GRAMD2B: variants seen among roughly 807,000 people sequenced by gnomAD.
GRAMD2B encodes GRAM domain-containing protein 2B.
In GRAMD2B, 41 loss-of-function variants were observed where a neutral mutation model predicts 59.2. The observed-to-expected ratio is 0.69, with a 90% CI of 0.54 to 0.90. The LOEUF is 0.90. GRAMD2B is among the 40% of genes least tolerant of loss of function. GRAMD2B has a pLI of 0.00. For missense variants in GRAMD2B, 424 were observed against 500.5 expected (o/e 0.85, Z 1.46); for synonymous variants, 161 against 182.7 (o/e 0.88, Z 0.96).
intron 1 of GRAMD2B, among the ~76,000 whole-genome samples, chr5:126,451,356 A>C (rs1345191676): frequency 6.6e-6 from 1 of 152,236 alleles, no homozygotes; most frequent in Non-Finnish European, 1.5e-5. Context: ...TCTGCAGGCT[A>C]TACAGGAAGC....
intron 1 of GRAMD2B, among the ~76,000 whole-genome samples, chr5:126,410,976 A>G (rs1043144129): frequency 1.3e-5 from 2 of 151,678 alleles, no homozygotes; most frequent in Non-Finnish European, 2.9e-5. Context: ...TTGCTTGTTC[A>G]ATTGTTTAAG....
intron 1 of GRAMD2B, among the ~76,000 whole-genome samples, chr5:126,398,018 A>ATTTTT (rs70994864): frequency 8.3e-5 from 6 of 72,468 alleles, no homozygotes; most frequent in Admixed American, 3.3e-4. Context: ...TTGTTGGGAG[A>ATTTTT]TTTTTTTTTT....
chr5:126,477,876 C>T lies in GRAMD2B; in HGVS notation c.582+89C>T, dbSNP rs1478470469. 3.8e-6 allele frequency: 3 copies of T among 787,914 alleles called. No individual in the cohort carries two copies. The African/African-American group carries it at 5.2e-5, about 14-fold the overall frequency. The allele number at this position is 787,914 out of a possible 1,614,324, so 48.8% of individuals were successfully genotyped here. On this transcript the variant is annotated intron_variant, in intron 6 of 13. Coordinates refer to ENST00000285689, the MANE Select transcript of GRAMD2B (RefSeq NM_023927.4). ...AGGGGTCTCTTGCCAAGGACCAAGA[C>T]TCCAAACCATAAATATCATCTCCTG...
chr5:126,438,278 G>A (rs1762740505), intron 1 of GRAMD2B, among the ~76,000 whole-genome samples: 1 of 152,144 alleles, frequency 6.6e-6, no homozygotes, highest in Non-Finnish European at 1.5e-5. Context: ...AGAGCCTTGT[G>A]AGCCTGTACA....
At chr5:126,441,957 T>A (rs1763370979) in intron 1 of GRAMD2B, among the ~76,000 whole-genome samples, 2 of 152,132 alleles carry the variant, frequency 1.3e-5, no homozygotes, top group Non-Finnish European at 2.9e-5. Context: ...AACACTTTTT[T>A]TCTGGCTAAA....
At position 126,493,138 on chromosome 5, in the gene GRAMD2B, C is replaced by A; in HGVS notation, c.*182C>A. On this transcript the variant is annotated 3_prime_UTR_variant, in exon 14 of 14. Coordinates refer to ENST00000285689, the MANE Select transcript of GRAMD2B (RefSeq NM_023927.4). The stretch of plus-strand genomic sequence containing the variant: ...GAGGGAAATAATTTTGGTTCTTGTG[C>A]AATAAAAGTTGACCTTGACTCTCTG... 1 of 580,018 alleles carries A rather than the reference C, an allele frequency of 1.7e-6. No homozygotes were observed. Among genetic ancestry groups the A allele is most frequent in the Non-Finnish European group, 3.1e-6 (1 of 318,698 alleles). The allele number at this position is 580,018 out of a possible 1,614,324, so 35.9% of individuals were successfully genotyped here.
chr5:126,467,017 C>T (rs780372200), intron 2 of GRAMD2B, among the ~76,000 whole-genome samples: 33 of 152,088 alleles, frequency 2.2e-4, no homozygotes, highest in Admixed American at 6.6e-4. Context: ...GGGCCAGGCA[C>T]GGTGGCTCAC....
intron 2 of GRAMD2B, among the ~76,000 whole-genome samples, chr5:126,467,891 A>G (rs1452125953): frequency 1.3e-5 from 2 of 152,158 alleles, no homozygotes; most frequent in Non-Finnish European, 2.9e-5. Context: ...AGGACATCAT[A>G]TAGTCCATCT....
At chr5:126,449,747 A>G (rs1174098953) in intron 1 of GRAMD2B, among the ~76,000 whole-genome samples, 1 of 152,220 alleles carries the variant, frequency 6.6e-6, no homozygotes, top group Non-Finnish European at 1.5e-5. Flanking sequence ...TTAAGCAAAG[A>G]GAATTTTCAC....
intron 1 of GRAMD2B, among the ~76,000 whole-genome samples, chr5:126,464,805 G>T (rs1021808444): frequency 1.3e-5 from 2 of 152,184 alleles, no homozygotes; most frequent in African/African-American, 4.8e-5. Context: ...CAAAGGTTTT[G>T]CAGACAGACA....
In GRAMD2B at chr5:126,484,659, C is replaced by T. The variant is rs373201720; in HGVS notation, c.970+135C>T. On this transcript the variant is annotated intron_variant, in intron 10 of 13. Transcript: ENST00000285689. ...AGTGCAATAACATGATCTTGGCTCA[C>T]TGCAACCTCTGCCTCTTGGATTCAA... is the stretch of plus-strand genomic sequence containing the variant. 28 of 790,526 alleles carry T rather than the reference C, an allele frequency of 3.5e-5. 1 individual carries two copies. In the South Asian group the frequency reaches 6.1e-4, roughly 17 times the overall value. 49.0% of individuals were successfully genotyped at this position (790,526 alleles called of 1,614,324 possible).
intron 1 of GRAMD2B, among the ~76,000 whole-genome samples, chr5:126,411,075 T>C (rs916582768): frequency 1.7e-4 from 26 of 152,006 alleles, no homozygotes; most frequent in African/African-American, 6.3e-4. Context: ...GTGTACTCTG[T>C]TAATAGTTTC....
At chr5:126,377,253 C>T (rs1419152743) in intron 1 of GRAMD2B, among the ~76,000 whole-genome samples, 2 of 151,148 alleles carry the variant, frequency 1.3e-5, no homozygotes, top group African/African-American at 4.9e-5. Flanking sequence ...CACCCACACC[C>T]CCACTCTCAT....
chr5:126,417,233 T>C lies in GRAMD2B; in HGVS notation c.125+45666T>C, dbSNP rs111501782. 4.3e-3 allele frequency among the ~76,000 whole-genome samples: 652 copies of C among 152,322 alleles called. 9 individuals carry two copies. The highest frequency in any genetic ancestry group is 0.015 in the African/African-American group (629 of 41,574). On this transcript the variant is annotated intron_variant, in intron 1 of 8. Transcript: ENST00000506445. ...TACCTTTGACCAAGAGAATGCAGCATAGGAAAAGCTGCATGACCTCCAACT... is the reference window on the plus strand; with the variant it reads ...TACCTTTGACCAAGAGAATGCAGCACAGGAAAAGCTGCATGACCTCCAACT...
At chr5:126,441,727 T>C (rs1191745510) in intron 1 of GRAMD2B, among the ~76,000 whole-genome samples, 1 of 152,182 alleles carries the variant, frequency 6.6e-6, no homozygotes, top group Non-Finnish European at 1.5e-5. Flanking sequence ...AATATAGTTT[T>C]AATTCTAATA....
upstream of GRAMD2B, chr5:126,371,251 G>C (rs757817289): frequency 9.5e-7 from 1 of 1,051,920 alleles, no homozygotes; most frequent in African/African-American, 1.7e-5. Flanking sequence ...ACCGCCCTGT[G>C]TCACACTGAT....
intron 1 of GRAMD2B, among the ~76,000 whole-genome samples, chr5:126,444,261 T>C (rs1029840700): frequency 4.6e-5 from 7 of 152,208 alleles, no homozygotes; most frequent in Admixed American, 4.6e-4. Context: ...GAGCAAACCA[T>C]ACTGTGCAGA....
At chr5:126,483,668 A>G in intron 9 of GRAMD2B, 94 bp downstream of exon 9, 1 of 667,780 alleles carries the variant, frequency 1.5e-6, no homozygotes. Context: ...GAAAAGAAAG[A>G]AAAAAACCCA....
At chr5:126,394,118 C>CA (rs201162119) in intron 1 of GRAMD2B, among the ~76,000 whole-genome samples, 15 of 151,622 alleles carry the variant, frequency 9.9e-5, no homozygotes, top group African/African-American at 3.1e-4. Flanking sequence ...ACTAAAAATA[C>CA]AAAAAAATTA....
Sources: gnomAD v4.1 joint callset for allele counts (sites outside exome capture counted in the v4.1 genomes callset) on GRCh38, gnomAD v4.1.1 for gene constraint, MANE v1.5 for transcripts, NCBI Gene and HGNC (gene_info 2026-07-23, HGNC 2026-07-21) for gene names.